The following KAZN variants were observed in gnomAD, a reference collection of about 807,000 sequenced individuals.
KAZN encodes kazrin.
KAZN carries 40 observed loss-of-function variants against 87.4 expected under a neutral mutation model. The ratio of observed to expected loss-of-function variants is 0.46; its 90% CI spans 0.36 to 0.60. The LOEUF is 0.60. Among genes scored for constraint, KAZN ranks in the 20% least tolerant of loss-of-function variants. The pLI is 0.00. For missense variants in KAZN, 898 were observed against 1,073.9 expected (o/e 0.84, Z 2.29); for synonymous variants, 466 against 458.3 (o/e 1.02, Z -0.22).
intron 2 of KAZN, among the ~76,000 whole-genome samples, chr1:14,452,284 G>A (rs1428217295): frequency 6.6e-6 from 1 of 152,138 alleles, no homozygotes; most frequent in Non-Finnish European, 1.5e-5. Context: ...CCACTGACCT[G>A]GCCAGGCAAC....
chr1:14,924,716 CG>C (rs1003244146), intron 1 of KAZN: 15 of 330,894 alleles, frequency 4.5e-5, no homozygotes, highest in Admixed American at 2.6e-4. Context: ...CCCCGAGCCC[CG>C]GGCGGGTGCA....
At chr1:15,112,849 T>G (rs1641699808) in intron 14 of KAZN, 1 of 254,602 alleles carries the variant, frequency 3.9e-6, no homozygotes. Flanking sequence ...CCCACCTTGG[T>G]CTCCTGGAAA....
intron 1 of KAZN, among the ~76,000 whole-genome samples, chr1:14,763,454 T>A (rs1040668969): frequency 6.6e-6 from 1 of 152,134 alleles, no homozygotes; most frequent in Non-Finnish European, 1.5e-5. Flanking sequence ...ATACCCCCAA[T>A]AACATTTGTA....
chr1:14,662,944 AATATAT>A (rs3085966), intron 1 of KAZN, among the ~76,000 whole-genome samples: 1 of 142,852 alleles, frequency 7.0e-6, no homozygotes, highest in Admixed American at 7.1e-5. Flanking sequence ...TATATATGTA[AATATAT>A]ATATATATGC....
chr1:14,164,031 G>A (rs555022223), intron 1 of KAZN, among the ~76,000 whole-genome samples: 4 of 152,120 alleles, frequency 2.6e-5, no homozygotes, highest in Admixed American at 6.5e-5. Context: ...CCCACTGCTC[G>A]GTTGAAAAGC....
At chr1:14,365,367 G>GT (rs1491229504) in intron 2 of KAZN, among the ~76,000 whole-genome samples, 1 of 26,512 alleles carries the variant, frequency 3.8e-5, no homozygotes, top group African/African-American at 1.2e-4. Context: ...TCCCCCCGGG[G>GT]TGGGGGGGGG....
chr1:14,356,139 G>C (rs1161166092), intron 2 of KAZN, among the ~76,000 whole-genome samples: 1 of 152,148 alleles, frequency 6.6e-6, no homozygotes, highest in Admixed American at 6.5e-5. Flanking sequence ...GTGTGAGATG[G>C]TATCTCACTG....
intron 1 of KAZN, among the ~76,000 whole-genome samples, chr1:14,158,160 TTC>T (rs1452479887): frequency 6.6e-6 from 1 of 152,318 alleles, no homozygotes; most frequent in Admixed American, 6.5e-5. Flanking sequence ...GTTTTGGAAG[TTC>T]TCTGTTATTA....
chr1:14,557,629 GGTGTGTGTGTGTGTGTGTGT>G (rs59563758), intron 2 of KAZN, among the ~76,000 whole-genome samples: 1 of 137,880 alleles, frequency 7.3e-6, no homozygotes, highest in Non-Finnish European at 1.6e-5. Flanking sequence ...GGTGTGTGTG[GGTGTGTGTGTGTGTGTGTGT>G]GTGTGTGTGT....
At chr1:14,224,398 G>T (rs760071096) in intron 2 of KAZN, among the ~76,000 whole-genome samples, 1 of 152,136 alleles carries the variant, frequency 6.6e-6, no homozygotes, top group South Asian at 2.1e-4. Flanking sequence ...AACATACTAA[G>T]ATAAACTAAA....
chr1:15,112,662 A>G (rs1235946593), intron 14 of KAZN, 121 bp downstream of exon 14: 10 of 659,352 alleles, frequency 1.5e-5, no homozygotes, highest in East Asian at 5.5e-5. Context: ...AGGCCGGGTC[A>G]CGGGGGCATC....
chr1:13,983,592 A>G (rs1570451836), intron 1 of KAZN, among the ~76,000 whole-genome samples: 1 of 152,182 alleles, frequency 6.6e-6, no homozygotes, highest in Admixed American at 6.5e-5. Context: ...GGCCTTGGCC[A>G]GCCCAGAAAG....
chr1:15,058,560 A>G (rs1638501803), intron 5 of KAZN, among the ~76,000 whole-genome samples: 1 of 152,208 alleles, frequency 6.6e-6, no homozygotes, highest in African/African-American at 2.4e-5. Flanking sequence ...AGGGCTTCTG[A>G]GCTGTGGCTT....
chr1:14,177,794 GTTT>G (rs34230840), intron 1 of KAZN, among the ~76,000 whole-genome samples: 15 of 140,074 alleles, frequency 1.1e-4, no homozygotes, highest in South Asian at 2.3e-4. Flanking sequence ...GTGTGTGTGT[GTTT>G]TTTTTTTTTT....
chr1:14,413,466 T>C (rs1299089482), intron 2 of KAZN, among the ~76,000 whole-genome samples: 1 of 151,712 alleles, frequency 6.6e-6, no homozygotes, highest in Admixed American at 6.6e-5. Flanking sequence ...GGCGGGTGCC[T>C]GTAGTCCCAG....
chr1:14,046,438 A>C (rs1642077398), intron 1 of KAZN, among the ~76,000 whole-genome samples: 1 of 152,230 alleles, frequency 6.6e-6, no homozygotes, highest in Non-Finnish European at 1.5e-5. Context: ...AAAACCAAAA[A>C]TAAAAACATA....
chr1:14,108,289 T>A (rs1322208345), intron 1 of KAZN, among the ~76,000 whole-genome samples: 2 of 152,082 alleles, frequency 1.3e-5, no homozygotes, highest in African/African-American at 4.8e-5. Context: ...CAAGCATGTT[T>A]TGTGGCTCTC....
At chr1:14,394,006 G>C (rs900894642) in intron 2 of KAZN, among the ~76,000 whole-genome samples, 6 of 152,156 alleles carry the variant, frequency 3.9e-5, no homozygotes, top group Admixed American at 2.0e-4. Context: ...ATCAAAGGCA[G>C]GCAGCCTTGA....
At chr1:14,587,526 C>A (rs12740958) in intron 2 of KAZN, among the ~76,000 whole-genome samples, 2,142 of 151,182 alleles carry the variant, frequency 0.014, 29 homozygotes, top group Non-Finnish European at 0.021. Flanking sequence ...TCTGGTGAGG[C>A]CTCAGGAAGC....
Sources: allele counts gnomAD v4.1 joint callset (sites outside exome capture counted in the v4.1 genomes callset), GRCh38; gene constraint gnomAD v4.1.1; transcripts MANE v1.5; gene names NCBI Gene and HGNC (gene_info 2026-07-23, HGNC 2026-07-21).